Variants in PTPRR observed in about 807,000 individuals in gnomAD.
PTPRR encodes the protein protein tyrosine phosphatase receptor type R.
A neutral mutation model predicts 77.2 loss-of-function variants in PTPRR; 38 were observed. The observed-to-expected ratio is 0.49, with a 90% CI of 0.38 to 0.65. The LOEUF (loss-of-function observed/expected upper bound fraction) is 0.65, where lower values mean the gene tolerates loss of function less well. Among genes scored for constraint, PTPRR ranks in the 30% least tolerant of loss-of-function variants. The pLI, the probability that PTPRR is intolerant of heterozygous loss-of-function variation, is 0.00. For synonymous variants in PTPRR, 299 were observed against 283.1 expected, an observed-to-expected ratio of 1.06 and a Z score of -0.57; for missense variants, 744 against 799.2, an observed-to-expected ratio of 0.93 and a Z score of 0.83.
chr12:70,835,612 G>A (rs1892286952), intron 2 of PTPRR, among the ~76,000 whole-genome samples: 1 of 152,002 alleles, frequency 6.6e-6, no homozygotes, highest in Admixed American at 6.6e-5. Flanking sequence ...TGAGCACATG[G>A]TAAAGAAAAC....
At chr12:70,717,768 A>G (rs1387073826) in intron 6 of PTPRR, among the ~76,000 whole-genome samples, 1 of 152,202 alleles carries the variant, frequency 6.6e-6, no homozygotes, top group East Asian at 1.9e-4. Context: ...TCCTGTGTGC[A>G]TGGCAGGGAT....
intron 2 of PTPRR, among the ~76,000 whole-genome samples, chr12:70,838,908 C>T (rs1449396528): frequency 6.6e-6 from 1 of 152,106 alleles, no homozygotes; most frequent in African/African-American, 2.4e-5. Context: ...CTAGTAGAAT[C>T]TTCCAAGTGT....
At chr12:70,792,243 A>T (rs1266103004) in intron 2 of PTPRR, among the ~76,000 whole-genome samples, 1 of 152,184 alleles carries the variant, frequency 6.6e-6, no homozygotes, top group East Asian at 1.9e-4. Context: ...CCTAATATGT[A>T]CTCAATAAAT....
At chr12:70,749,968 C>A (rs567545909) in intron 5 of PTPRR, among the ~76,000 whole-genome samples, 1 of 152,144 alleles carries the variant, frequency 6.6e-6, no homozygotes, top group Non-Finnish European at 1.5e-5. Flanking sequence ...AGAACTAATT[C>A]TTCTTAGTAA....
chr12:70,720,317 A>C (rs1014250855), intron 6 of PTPRR, among the ~76,000 whole-genome samples: 3 of 152,076 alleles, frequency 2.0e-5, no homozygotes, highest in Non-Finnish European at 4.4e-5. Context: ...CTTATCATTA[A>C]ATTTGAGATG....
At chr12:70,884,140 A>T (rs1893195199) in intron 2 of PTPRR, among the ~76,000 whole-genome samples, 1 of 152,026 alleles carries the variant, frequency 6.6e-6, no homozygotes, top group Admixed American at 6.6e-5. Flanking sequence ...TAGCTTTTGT[A>T]TTTTTCCTAA....
intron 2 of PTPRR, among the ~76,000 whole-genome samples, chr12:70,765,788 C>T (rs542109614): frequency 6.6e-6 from 1 of 152,316 alleles, no homozygotes; most frequent in East Asian, 1.9e-4. Flanking sequence ...TGACACCTCA[C>T]ACAGCCGGGT....
At chr12:70,689,777 C>T (rs1454733670) in intron 8 of PTPRR, among the ~76,000 whole-genome samples, 1 of 152,104 alleles carries the variant, frequency 6.6e-6, no homozygotes, top group Admixed American at 6.6e-5. Flanking sequence ...GGCATTTTTG[C>T]TGTCAATAGC....
At chr12:70,741,494 T>C (rs1467124968) in intron 6 of PTPRR, among the ~76,000 whole-genome samples, 2 of 152,150 alleles carry the variant, frequency 1.3e-5, no homozygotes, top group African/African-American at 4.8e-5. Flanking sequence ...TACTCCCTCT[T>C]TCACCTTTGG....
chr12:70,888,470 GT>G lies in PTPRR; in HGVS notation c.357+4208del, dbSNP rs577774486. Among the ~76,000 whole-genome samples the G allele has an allele frequency of 2.8e-3, 421 of 152,014 alleles. 1 individual carries two copies. The highest frequency in any genetic ancestry group is 9.6e-3 in the African/African-American group (400 of 41,470). The stretch of plus-strand genomic sequence containing the variant: ...CATGCATGTACTTTCAGTAGTTGTT[GT>G]TTAACCAACTTTCTTGTGTTGCAAC... On this transcript the variant is annotated intron_variant, in intron 2 of 13. Coordinates refer to ENST00000283228, the MANE Select transcript of PTPRR (RefSeq NM_002849.4).
chr12:70,872,694 C>CAAAAAAAAAACAA (rs1565725995), intron 2 of PTPRR, among the ~76,000 whole-genome samples: 5 of 43,440 alleles, frequency 1.2e-4, no homozygotes, highest in Non-Finnish European at 1.9e-4. Flanking sequence ...GACTCTGTCT[C>CAAAAAAAAAACAA]AAAAAAAAAA....
intron 2 of PTPRR, among the ~76,000 whole-genome samples, chr12:70,867,450 A>T (rs1273507207): frequency 1.6e-4 from 25 of 152,042 alleles, no homozygotes; most frequent in African/African-American, 6.0e-4. Flanking sequence ...CTTCAAAGAG[A>T]ATAAAATACC....
intron 1 of PTPRR, among the ~76,000 whole-genome samples, chr12:70,895,861 A>G (rs779720892): frequency 1.4e-4 from 21 of 151,750 alleles, no homozygotes; most frequent in Non-Finnish European, 2.5e-4. Context: ...ATTTTGGAAA[A>G]GTGAAGACTG....
At chr12:70,675,800 G>C (rs1289905444) in intron 10 of PTPRR, among the ~76,000 whole-genome samples, 2 of 151,542 alleles carry the variant, frequency 1.3e-5, no homozygotes, top group Non-Finnish European at 2.9e-5. Context: ...GATTTGTTGG[G>C]TATAAAGTTC....
chr12:70,720,805 C>G (rs1183327245), intron 6 of PTPRR, among the ~76,000 whole-genome samples: 1 of 152,010 alleles, frequency 6.6e-6, no homozygotes, highest in African/African-American at 2.4e-5. Context: ...CTTATTGGTA[C>G]TACCACTAGG....
chr12:70,770,115 T>C (rs1421593189), intron 2 of PTPRR, among the ~76,000 whole-genome samples: 13 of 149,360 alleles, frequency 8.7e-5, no homozygotes, highest in Admixed American at 4.6e-4. Flanking sequence ...ACTTCATGTC[T>C]AAAACACCAA....
intron 2 of PTPRR, among the ~76,000 whole-genome samples, chr12:70,877,152 A>G (rs1893065309): frequency 6.6e-6 from 1 of 152,188 alleles, no homozygotes; most frequent in Non-Finnish European, 1.5e-5. Flanking sequence ...GGTAACTAGA[A>G]ATGGAATGTA....
At chr12:70,709,776 T>C (rs1282049145) in intron 6 of PTPRR, among the ~76,000 whole-genome samples, 1 of 152,042 alleles carries the variant, frequency 6.6e-6, no homozygotes, top group African/African-American at 2.4e-5. Flanking sequence ...GGAATACAGC[T>C]AACTAGGGAG....
intron 4 of PTPRR, among the ~76,000 whole-genome samples, chr12:70,756,132 A>T (rs1890557412): frequency 6.6e-6 from 1 of 151,040 alleles, no homozygotes; most frequent in South Asian, 2.1e-4. Context: ...GATTTGGTTC[A>T]TTTTTTTTTC....
Sources: allele counts gnomAD v4.1 joint callset (sites outside exome capture counted in the v4.1 genomes callset), GRCh38; gene constraint gnomAD v4.1.1; transcripts MANE v1.5; gene names NCBI Gene and HGNC (gene_info 2026-07-23, HGNC 2026-07-21).